CFAP418: variants seen among roughly 807,000 people sequenced by gnomAD.
CFAP418 encodes cilia and flagella associated protein 418.
CFAP418 carries 27 observed loss-of-function variants against 24.7 expected under a neutral mutation model. The ratio of observed to expected loss-of-function variants is 1.09; its 90% CI spans 0.81 to 1.51. CFAP418 has a LOEUF of 1.51. CFAP418 is among the 40% of genes most tolerant of loss of function. The pLI is 0.00. For missense variants in CFAP418, 257 were observed against 255.2 expected (o/e 1.01, Z -0.05); for synonymous variants, 74 against 87.3 (o/e 0.85, Z 0.85).
At chr8:95,255,830 A>G (rs1048425873) in intron 4 of CFAP418, among the ~76,000 whole-genome samples, 2 of 152,246 alleles carry the variant, frequency 1.3e-5, no homozygotes, top group Admixed American at 6.5e-5. Flanking sequence ...AGTGCTCTGG[A>G]CAGTATAAAG....
chr8:95,265,901 C>T (rs1811970689), intron 1 of CFAP418, among the ~76,000 whole-genome samples: 1 of 152,108 alleles, frequency 6.6e-6, no homozygotes, highest in African/African-American at 2.4e-5. Flanking sequence ...TGTTAATAAG[C>T]TTTTACTGGT....
chr8:95,264,064 G>A (rs7835921), intron 1 of CFAP418, among the ~76,000 whole-genome samples: 70,986 of 151,930 alleles, frequency 0.47, 16,869 homozygotes, highest in African/African-American at 0.51. Context: ...GTACTTATCT[G>A]AATTACATAA....
At chr8:95,264,519 A>C (rs1811943366) in intron 1 of CFAP418, among the ~76,000 whole-genome samples, 1 of 152,170 alleles carries the variant, frequency 6.6e-6, no homozygotes, top group Non-Finnish European at 1.5e-5. Flanking sequence ...AAATCTGTTC[A>C]AGGTCATATA....
In CFAP418 at chr8:95,263,701, C is replaced by A; in HGVS notation, c.229G>T (p.Asp77Tyr). The A allele has an allele frequency of 1.2e-6, 2 of 1,602,098 alleles. No individual in the cohort carries two copies. Among genetic ancestry groups the A allele is most frequent in the Non-Finnish European group, 8.5e-7 (1 of 1,170,350 alleles). Reference protein sequence around the residue: ...INEILEEPNLDKKPSKLKSKS... With the variant: ...INEILEEPNLYKKPSKLKSKS... ...ACTTGACTTACAGAGGGTTTTTTGT[C>A]CAAGTTGGGCTCTTCAAGTATTTCA... Residue 77 changes from aspartate (D) to tyrosine (Y), a missense_variant, in exon 2 of 6, where the codon GAC becomes TAC. Transcript: ENST00000286688.
At position 95,247,703 on chromosome 8, in the gene CFAP418, C is replaced by A; in HGVS notation, c.538G>T (p.Ala180Ser). ...LIKKKGTRAY[A>S]CQCSWRTIEE... ...ATAGTTCTCCAGCTACACTGGCAGG[C>A]ATATGCCCGTGTTCCTTTCTTCTTT... The change falls in exon 6 of 6, where the codon GCC becomes TCC. Residue 180 changes from alanine (A) to serine (S), a missense_variant. Transcript: ENST00000286688. 2 of 1,613,902 alleles carry A rather than the reference C, an allele frequency of 1.2e-6. No homozygotes were observed. The highest frequency in any genetic ancestry group is 1.7e-6 in the Non-Finnish European group (2 of 1,179,820).
chr8:95,247,824 A>AT (rs1257811273), intron 5 of CFAP418, 54 bp from the exon 6 acceptor site: 11 of 1,266,974 alleles, frequency 8.7e-6, no homozygotes, highest in Non-Finnish European at 9.5e-6. Flanking sequence ...GTGCTTAATG[A>AT]TTAAAAAAAA....
intron 1 of CFAP418, among the ~76,000 whole-genome samples, chr8:95,268,312 TGTAATCCCAGTTTAC>T (rs1394786900): frequency 6.6e-6 from 1 of 151,988 alleles, no homozygotes; most frequent in African/African-American, 2.4e-5. Flanking sequence ...GGCTCGTGCC[TGTAATCCCAGTTTAC>T]GTAATCCCAG....
intron 5 of CFAP418, among the ~76,000 whole-genome samples, chr8:95,249,584 T>C (rs1443109584): frequency 6.6e-6 from 1 of 151,842 alleles, no homozygotes; most frequent in Non-Finnish European, 1.5e-5. Context: ...ATCTGGGAAG[T>C]GGAGGTTGCA....
chr8:95,263,538 T>A, intron 2 of CFAP418, 149 bp downstream of exon 2: 1 of 513,778 alleles, frequency 1.9e-6, no homozygotes, highest in Non-Finnish European at 3.5e-6. Flanking sequence ...CTGCTTCTAC[T>A]GCTCTTTAAG....
chr8:95,252,472 A>G (rs1227735449), intron 4 of CFAP418, among the ~76,000 whole-genome samples, 189 bp from the exon 5 acceptor site: 4 of 152,248 alleles, frequency 2.6e-5, no homozygotes, highest in African/African-American at 4.8e-5. Flanking sequence ...CTTAAGGTTA[A>G]ATTTTTGCAC....
At chr8:95,263,497 GA>G (rs2132164124) in intron 2 of CFAP418, among the ~76,000 whole-genome samples, 189 bp downstream of exon 2, 1 of 152,248 alleles carries the variant, frequency 6.6e-6, no homozygotes, top group Admixed American at 6.5e-5. Flanking sequence ...AATGCACAGG[GA>G]AACACATACT....
chr8:95,244,972 A>G lies in CFAP418; in HGVS notation c.*2645T>C, dbSNP rs1811592628. 6.6e-6 allele frequency: 1 copy of G among 152,176 alleles called. No homozygotes were observed. Among genetic ancestry groups the G allele is most frequent in the Non-Finnish European group, 1.5e-5 (1 of 68,040 alleles). The allele number at this position is 152,176 out of a possible 1,614,324, so 9.4% of individuals were successfully genotyped here. A position where few individuals can be genotyped will look rare whatever the true frequency, so the allele number is the denominator to read the frequency against. On this transcript the variant is annotated 3_prime_UTR_variant, in exon 6 of 6. Coordinates refer to ENST00000286688, the MANE Select transcript of CFAP418 (RefSeq NM_177965.4). The stretch of plus-strand genomic sequence containing the variant: ...ATAAAAGAAGTAAATAATACAGAGT[A>G]ATTATTTATTACTTATTCATTTCTA...
chr8:95,267,572 G>C (rs1012577858), intron 1 of CFAP418, among the ~76,000 whole-genome samples: 2 of 152,200 alleles, frequency 1.3e-5, no homozygotes, highest in African/African-American at 4.8e-5. Context: ...CTGGGCGACA[G>C]AGCGAAACTC....
At chr8:95,265,442 C>T (rs145287473) in intron 1 of CFAP418, among the ~76,000 whole-genome samples, 2,533 of 152,264 alleles carry the variant, frequency 0.017, 42 homozygotes, top group Non-Finnish European at 0.019. Context: ...ACTCTTCTCT[C>T]GAAGGTTTCC....
chr8:95,259,869 T>G lies in CFAP418; in HGVS notation c.345A>C (p.Pro115=), dbSNP rs1811857273. The change falls in exon 4 of 6, where the codon CCA becomes CCC. Residue 115 remains proline (P), a synonymous_variant. Transcript: ENST00000286688. ...ATGAAATATTTGTTCCAATCCCACA[T>G]GGAATAGAGCTTCCACCAAGGTACA... is the stretch of plus-strand genomic sequence containing the variant. ...SPVYLGGSSI[P]CGIGTNISWR... 6.2e-7 allele frequency: 1 copy of G among 1,609,966 alleles called. No individual in the cohort carries two copies. Among genetic ancestry groups the G allele is most frequent in the African/African-American group, 1.3e-5 (1 of 74,586 alleles).
At chr8:95,247,971 A>G (rs1444029821) in intron 5 of CFAP418, among the ~76,000 whole-genome samples, 1 of 152,038 alleles carries the variant, frequency 6.6e-6, no homozygotes, top group African/African-American at 2.4e-5. Flanking sequence ...CCTTCCAAGT[A>G]GCTGAGACCA....
At chr8:95,265,990 T>C (rs561010925) in intron 1 of CFAP418, among the ~76,000 whole-genome samples, 1 of 152,294 alleles carries the variant, frequency 6.6e-6, no homozygotes, top group African/African-American at 2.4e-5. Flanking sequence ...ATATTTAAGA[T>C]AAAATATAAA....
chr8:95,249,743 A>C (rs1400963201), intron 5 of CFAP418, among the ~76,000 whole-genome samples: 1 of 152,200 alleles, frequency 6.6e-6, no homozygotes, highest in Non-Finnish European at 1.5e-5. Flanking sequence ...ACAACTGCAC[A>C]GCATTCCACT....
chr8:95,247,809 G>C (rs767632163), intron 5 of CFAP418, 39 bp from the exon 6 acceptor site: 1 of 1,453,292 alleles, frequency 6.9e-7, no homozygotes, highest in Non-Finnish European at 9.2e-7. Context: ...TAGTGGCTTT[G>C]TTCAGTGCTT....
Sources: gnomAD v4.1 joint callset for allele counts (sites outside exome capture counted in the v4.1 genomes callset) on GRCh38, gnomAD v4.1.1 for gene constraint, MANE v1.5 for transcripts, NCBI Gene and HGNC (gene_info 2026-07-23, HGNC 2026-07-21) for gene names.